TBC1D8: variants seen among roughly 807,000 people sequenced by gnomAD.
The protein encoded by TBC1D8 is TBC1 domain family member 8.
A neutral mutation model predicts 118.8 loss-of-function variants in TBC1D8; 65 were observed. The ratio of observed to expected loss-of-function variants is 0.55; its 90% CI spans 0.45 to 0.67. TBC1D8 has a LOEUF of 0.67. Ranked by LOEUF, TBC1D8 falls within the 30% of genes least tolerant of loss-of-function variation. The pLI is 0.00. For synonymous variants in TBC1D8, 566 were observed against 595.8 expected (o/e 0.95, Z 0.73); for missense variants, 1,376 against 1,471.2 (o/e 0.94, Z 1.06).
chr2:101,061,112 T>G (rs1472389584), intron 2 of TBC1D8, among the ~76,000 whole-genome samples: 2 of 131,474 alleles, frequency 1.5e-5, no homozygotes, highest in Non-Finnish European at 3.1e-5. Flanking sequence ...CTGTCGAACC[T>G]GGGAGGCGGA....
At chr2:101,035,147 A>G (rs1159384455) in intron 9 of TBC1D8, among the ~76,000 whole-genome samples, 1 of 152,208 alleles carries the variant, frequency 6.6e-6, no homozygotes, top group Non-Finnish European at 1.5e-5. Flanking sequence ...AGCAGGGCAC[A>G]GGTACCCAGC....
chr2:101,078,876 C>A (rs1675053354), intron 2 of TBC1D8, among the ~76,000 whole-genome samples: 1 of 151,778 alleles, frequency 6.6e-6, no homozygotes, highest in Non-Finnish European at 1.5e-5. Context: ...CCCTGAATTT[C>A]CTTATTATTT....
At chr2:101,130,252 G>A (rs984498963) in intron 1 of TBC1D8, among the ~76,000 whole-genome samples, 2 of 152,216 alleles carry the variant, frequency 1.3e-5, no homozygotes, top group African/African-American at 2.4e-5. Flanking sequence ...AGTGAGAGCC[G>A]AGGAGGCCTG....
Position 101,027,394 on chromosome 2 carries a change from C to A in TBC1D8, c.2509G>T (p.Asp837Tyr). The A allele has an allele frequency of 6.2e-7, 1 of 1,613,024 alleles. No individual in the cohort carries two copies. The highest frequency in any genetic ancestry group is 1.1e-5 in the South Asian group (1 of 91,028). The part of the protein sequence containing the change: ...ILPEDLEELY[D>Y]LFKREHMMSC... ...CCAGAGCTGCGTACCTTGAATAAGT[C>A]GTAGAGCTCCTCTAGGTCTTCAGGA... The change falls in exon 15 of 20, where the codon GAC (aspartate) becomes TAC (tyrosine). Residue 837 changes from aspartate to tyrosine, a missense_variant. By Grantham distance (160) the Asp-to-Tyr change is radical. Coordinates refer to ENST00000409318, the MANE Select transcript of TBC1D8 (RefSeq NM_001330348.2).
chr2:101,021,768 T>C (rs1226844301), intron 16 of TBC1D8, 22 bp from the exon 17 acceptor site: 2 of 1,436,664 alleles, frequency 1.4e-6, no homozygotes, highest in Non-Finnish European at 1.9e-6. Context: ...TTAAAAAGAG[T>C]GAGTTGATGC....
intron 2 of TBC1D8, among the ~76,000 whole-genome samples, chr2:101,076,338 G>A (rs1329029859): frequency 1.3e-5 from 2 of 152,208 alleles, no homozygotes; most frequent in Non-Finnish European, 2.9e-5. Flanking sequence ...AGCTTGATGG[G>A]GGAGAATGCA....
Position 101,013,780 on chromosome 2 carries a change from C to T in TBC1D8, c.2828-2240G>A, listed in dbSNP as rs371426224. ...TAAGTGTCTTCTCTGTAGTAGAATT[C>T]ACATATGGCTTTGAACACAATCTGG... On this transcript the variant is annotated intron_variant, in intron 17 of 19. Transcript: ENST00000409318. Among the ~76,000 whole-genome samples, 9 of 152,350 alleles carry T rather than the reference C, an allele frequency of 5.9e-5. No homozygotes were observed. The East Asian group carries it at 1.2e-3, about 20-fold the overall frequency.
intron 1 of TBC1D8, among the ~76,000 whole-genome samples, chr2:101,111,895 T>C (rs1677608610): frequency 7.0e-6 from 1 of 143,622 alleles, no homozygotes; most frequent in Non-Finnish European, 1.5e-5. Context: ...TGGTCAAATG[T>C]TGTGTACTTG....
At chr2:101,063,161 CG>C (rs1682847126) in intron 2 of TBC1D8, among the ~76,000 whole-genome samples, 2 of 152,088 alleles carry the variant, frequency 1.3e-5, no homozygotes, top group African/African-American at 4.8e-5. Flanking sequence ...ACCAGCTAAC[CG>C]CATGCGTCTT....
At chr2:101,100,182 A>G (rs1574033163) in intron 1 of TBC1D8, among the ~76,000 whole-genome samples, 1 of 152,192 alleles carries the variant, frequency 6.6e-6, no homozygotes, top group South Asian at 2.1e-4. Context: ...ACAAAAATCA[A>G]TGTGCAAAAA....
At chr2:101,046,732 A>T (rs1681729108) in intron 5 of TBC1D8, among the ~76,000 whole-genome samples, 1 of 152,180 alleles carries the variant, frequency 6.6e-6, no homozygotes, top group African/African-American at 2.4e-5. Flanking sequence ...AAAGCCAGCC[A>T]GACCCGAGAG....
At chr2:101,128,678 G>A (rs1405715319) in intron 1 of TBC1D8, among the ~76,000 whole-genome samples, 2 of 152,132 alleles carry the variant, frequency 1.3e-5, no homozygotes, top group African/African-American at 2.4e-5. Flanking sequence ...GCCAAAAGGC[G>A]GAAGTAACCC....
rs2105377051 is a variant in TBC1D8, at chr2:101,022,444, A to G, written c.2598T>C (p.Ala866=). Residue 866 remains alanine, a synonymous_variant, in exon 16 of 20, where the codon GCT becomes GCC. Coordinates refer to ENST00000409318, the MANE Select transcript of TBC1D8 (RefSeq NM_001330348.2). ...ASRHDPSRPY[A]EQYRIDARQF... is the part of the protein sequence containing the mutation. The stretch of plus-strand genomic sequence containing the variant: ...GCCGGGCATCTATGCGGTACTGCTC[A>G]GCATAGGGCCGGCTGGGGTCGTGGC... 1 of 1,611,418 alleles carries G rather than the reference A, an allele frequency of 6.2e-7. No homozygotes were observed. Among genetic ancestry groups the G allele is most frequent in the Non-Finnish European group, 8.5e-7 (1 of 1,179,104 alleles).
At chr2:101,051,623 A>T (rs983625771) in intron 4 of TBC1D8, among the ~76,000 whole-genome samples, 6 of 152,104 alleles carry the variant, frequency 3.9e-5, no homozygotes, top group African/African-American at 1.4e-4. Flanking sequence ...AAAACAAACC[A>T]CCCTGTTAAA....
intron 2 of TBC1D8, among the ~76,000 whole-genome samples, chr2:101,087,455 G>GT (rs1675712487): frequency 6.6e-6 from 1 of 151,254 alleles, no homozygotes; most frequent in African/African-American, 2.4e-5. Context: ...TGACCAATAG[G>GT]TAAAAAAAAA....
chr2:101,021,027 G>A (rs1474325728), intron 17 of TBC1D8, among the ~76,000 whole-genome samples: 2 of 152,140 alleles, frequency 1.3e-5, no homozygotes, highest in African/African-American at 4.8e-5. Flanking sequence ...AGTTGTAAAA[G>A]CCACCAGGAT....
chr2:101,024,652 C>G (rs964414946), intron 15 of TBC1D8, among the ~76,000 whole-genome samples: 2 of 152,104 alleles, frequency 1.3e-5, no homozygotes, highest in African/African-American at 4.8e-5. Context: ...AGTGATCCAC[C>G]CGCACTGGCC....
chr2:101,029,570 C>T lies in TBC1D8; in HGVS notation c.2143G>A (p.Gly715Arg). The T allele has an allele frequency of 6.2e-7, 1 of 1,613,944 alleles. No homozygotes were observed. Among genetic ancestry groups the T allele is most frequent in the Middle Eastern group, 1.7e-4 (1 of 6,060 alleles). The change falls in exon 12 of 20, where the codon GGA (glycine) becomes AGA (arginine). Residue 715 changes from glycine to arginine, a missense_variant. By Grantham distance (125) the Gly-to-Arg change is moderately radical (BLOSUM62 -2). Transcript: ENST00000409318. The stretch of plus-strand genomic sequence containing the variant: ...GCATTGGCCTCAAGCACAGCCAGTC[C>T]CAGCTGGAAGATGGCTTTGATGCCA... The part of the protein sequence containing the change: ...YDGIKAIFQL[G>R]LAVLEANAED...
intron 10 of TBC1D8, 98 bp from the exon 11 acceptor site, chr2:101,032,483 T>C (rs1050405715): frequency 5.1e-6 from 5 of 983,310 alleles, no homozygotes; most frequent in Non-Finnish European, 7.9e-6. Context: ...AAAGTAAAGA[T>C]TTCATAGGTG....
Sources: gnomAD v4.1 joint callset for allele counts (sites outside exome capture counted in the v4.1 genomes callset) on GRCh38, gnomAD v4.1.1 for gene constraint, MANE v1.5 for transcripts, NCBI Gene and HGNC (gene_info 2026-07-23, HGNC 2026-07-21) for gene names.